The following INPP5A variants were observed in gnomAD, a reference collection of about 807,000 sequenced individuals.
INPP5A encodes the protein 43 kDa inositol polyphosphate 5-phophatase.
In INPP5A, 14 loss-of-function variants were observed where a neutral mutation model predicts 65.2. That is an observed-to-expected ratio of 0.21 (90% CI 0.14 to 0.34). The LOEUF is 0.34. INPP5A is among the 10% of genes least tolerant of loss of function. The pLI, the probability that INPP5A is intolerant of heterozygous loss-of-function variation, is 1.00. For synonymous variants in INPP5A, 207 were observed against 208.3 expected (o/e 0.99, Z 0.05); for missense variants, 431 against 545.6 (o/e 0.79, Z 2.09).
At chr10:132,673,903 T>C (rs1006137918) in intron 4 of INPP5A, among the ~76,000 whole-genome samples, 1 of 152,190 alleles carries the variant, frequency 6.6e-6, no homozygotes, top group Non-Finnish European at 1.5e-5. Flanking sequence ...TGCTGGCAAA[T>C]TGGGCACTCA....
rs949689292 is a variant in INPP5A, at chr10:132,627,718, G to A, written c.118-18150G>A. 3.3e-5 allele frequency among the ~76,000 whole-genome samples: 5 copies of A among 152,168 alleles called. No homozygotes were observed. The highest frequency in any genetic ancestry group is 1.2e-4 in the African/African-American group (5 of 41,428). The stretch of plus-strand genomic sequence containing the variant: ...GGGATTATAGTGAGAGGCGAGACAG[G>A]GGATGCAGACGGGTAGATGCCACAG... On this transcript the variant is annotated intron_variant, in intron 2 of 15. Transcript: ENST00000368594. The surrounding 1 kb of genome is among the most constrained non-coding windows in gnomAD (Gnocchi z 6.6).
At chr10:132,596,508 A>G (rs1441454881) in intron 1 of INPP5A, among the ~76,000 whole-genome samples, 1 of 151,130 alleles carries the variant, frequency 6.6e-6, no homozygotes, top group African/African-American at 2.4e-5. Context: ...GCTCACTGCA[A>G]CCTCCACCTC....
In INPP5A at chr10:132,705,062, A is replaced by C. The variant is rs1845512874; in HGVS notation, c.475-3251A>C. ...CTCGTCTGGAGTGCAGGCTGAGTGG[A>C]GGGGAGAGAGTCCAAGCATTGGGGG... On this transcript the variant is annotated intron_variant, in intron 6 of 15. Coordinates refer to ENST00000368594, the MANE Select transcript of INPP5A (RefSeq NM_005539.5). This position sits in a 1 kb window ranked among gnomAD's most constrained non-coding sequence, Gnocchi z 4.9. 6.6e-6 allele frequency among the ~76,000 whole-genome samples: 1 copy of C among 151,854 alleles called. No individual in the cohort carries two copies. The highest frequency in any genetic ancestry group is 1.5e-5 in the Non-Finnish European group (1 of 67,986).
chr10:132,596,395 C>T (rs1331971393), intron 1 of INPP5A, among the ~76,000 whole-genome samples: 3 of 151,850 alleles, frequency 2.0e-5, no homozygotes, highest in Non-Finnish European at 4.4e-5. Context: ...CAGAAGAGGA[C>T]ACCCAAGTGT....
chr10:132,749,957 C>A, intron 11 of INPP5A, 112 bp downstream of exon 11: 1 of 945,212 alleles, frequency 1.1e-6, no homozygotes, highest in South Asian at 1.3e-5. Flanking sequence ...CTGCCACCTC[C>A]AGGACTCAGT....
rs886233685 is a variant in INPP5A at position 132,549,895 on chromosome 10, G to A, written c.75+11724G>A. ...TATTAACCAGGCATTAGGGGATGGGGTCAGCCTCGAGTTACTAACCGGGCA... is the reference window on the plus strand; with the variant it reads ...TATTAACCAGGCATTAGGGGATGGGATCAGCCTCGAGTTACTAACCGGGCA... On this transcript the variant is annotated intron_variant, in intron 1 of 15. Coordinates refer to ENST00000368594, the MANE Select transcript of INPP5A (RefSeq NM_005539.5). The surrounding 1 kb of genome is among the most constrained non-coding windows in gnomAD (Gnocchi z 4.9). 6.6e-6 allele frequency among the ~76,000 whole-genome samples: 1 copy of A among 151,748 alleles called. No individual in the cohort carries two copies. Among genetic ancestry groups the A allele is most frequent in the South Asian group, 2.1e-4 (1 of 4,792 alleles).
chr10:132,777,432 A>G (rs1213879737), intron 12 of INPP5A, among the ~76,000 whole-genome samples: 1 of 152,250 alleles, frequency 6.6e-6, no homozygotes, highest in Non-Finnish European at 1.5e-5. Context: ...CAGTAAAGGA[A>G]GGACTGATGT....
At position 132,668,984 on chromosome 10, in the gene INPP5A, G is replaced by A. The variant is rs577078453; in HGVS notation, c.306+18479G>A. Among the ~76,000 whole-genome samples the A allele has an allele frequency of 2.4e-4, 36 of 152,164 alleles. No individual in the cohort carries two copies. In the South Asian group the frequency reaches 7.3e-3, roughly 31 times the overall value. On this transcript the variant is annotated intron_variant, in intron 4 of 15. Coordinates refer to ENST00000368594, the MANE Select transcript of INPP5A (RefSeq NM_005539.5). ...GAAACAGCCGGTGAGGCCGGGCATG[G>A]TGGCTCACTCCTGTAATCCCAGCAT...
intron 12 of INPP5A, among the ~76,000 whole-genome samples, chr10:132,776,911 G>T (rs1197374669): frequency 6.6e-6 from 1 of 152,198 alleles, no homozygotes; most frequent in East Asian, 1.9e-4. Flanking sequence ...GAGGGCGGGG[G>T]CCAATGGCTC....
intron 11 of INPP5A, among the ~76,000 whole-genome samples, chr10:132,756,213 G>A (rs1191353138): frequency 1.3e-5 from 2 of 152,104 alleles, no homozygotes; most frequent in African/African-American, 4.8e-5. Context: ...GTGTACATGT[G>A]TGCACTTTGT....
chr10:132,606,241 G>A (rs1590862767), intron 1 of INPP5A, among the ~76,000 whole-genome samples: 2 of 151,880 alleles, frequency 1.3e-5, no homozygotes, highest in South Asian at 4.2e-4. Context: ...CCTCAGTGGC[G>A]GGACAGCGGC....
chr10:132,700,717 G>C (rs1845423204), intron 6 of INPP5A, among the ~76,000 whole-genome samples: 1 of 152,240 alleles, frequency 6.6e-6, no homozygotes, highest in South Asian at 2.1e-4. Context: ...GAAGGAACTA[G>C]TTTCAGACTG....
At position 132,555,386 on chromosome 10, in the gene INPP5A, A is replaced by C. The variant is rs1327690274; in HGVS notation, c.75+17215A>C. 6.6e-6 allele frequency among the ~76,000 whole-genome samples: 1 copy of C among 151,950 alleles called. No individual in the cohort carries two copies. The highest frequency in any genetic ancestry group is 2.4e-5 in the African/African-American group (1 of 41,348). The stretch of plus-strand genomic sequence containing the variant: ...TGGCCCAGTGGAGCTGCTGGGGCCT[A>C]TCTGTTTTTTTGAACTTCTGATAAG... On this transcript the variant is annotated intron_variant, in intron 1 of 15. Coordinates refer to ENST00000368594, the MANE Select transcript of INPP5A (RefSeq NM_005539.5). The surrounding 1 kb of genome is among the most constrained non-coding windows in gnomAD (Gnocchi z 4.4).
At chr10:132,625,403 T>A (rs1268871200) in intron 2 of INPP5A, among the ~76,000 whole-genome samples, 1 of 152,128 alleles carries the variant, frequency 6.6e-6, no homozygotes, top group Admixed American at 6.5e-5. Flanking sequence ...AGGCAGTCAA[T>A]AAATATTCAT....
chr10:132,750,643 G>A (rs1222150172), intron 11 of INPP5A, among the ~76,000 whole-genome samples: 1 of 152,248 alleles, frequency 6.6e-6, no homozygotes, highest in Non-Finnish European at 1.5e-5. Flanking sequence ...CGCAGCAGCT[G>A]GCTGGGCCCC....
intron 1 of INPP5A, among the ~76,000 whole-genome samples, chr10:132,604,289 C>G (rs1257062853): frequency 6.7e-6 from 1 of 150,048 alleles, no homozygotes; most frequent in Non-Finnish European, 1.5e-5. Flanking sequence ...CCTCTCCATC[C>G]TGCCCTGTGC....
intron 3 of INPP5A, among the ~76,000 whole-genome samples, chr10:132,648,384 T>C (rs969221595): frequency 5.9e-5 from 9 of 152,274 alleles, no homozygotes; most frequent in African/African-American, 1.2e-4. Flanking sequence ...TACAGCGTTA[T>C]GATTTTTGCT....
chr10:132,568,468 G>A (rs1046939695), intron 1 of INPP5A, among the ~76,000 whole-genome samples: 1 of 152,112 alleles, frequency 6.6e-6, no homozygotes, highest in Non-Finnish European at 1.5e-5. Flanking sequence ...GCTCACGCCT[G>A]TAATCCCAGC....
chr10:132,685,249 C>T (rs1446490192), intron 4 of INPP5A, among the ~76,000 whole-genome samples: 3 of 152,362 alleles, frequency 2.0e-5, no homozygotes, highest in African/African-American at 7.2e-5. Context: ...CACTTTTTCC[C>T]TTCCCAGTGG....
Sources: allele counts gnomAD v4.1 joint callset (sites outside exome capture counted in the v4.1 genomes callset), GRCh38; gene constraint gnomAD v4.1.1; non-coding constraint Gnocchi (gnomAD v3.1); transcripts MANE v1.5; gene names NCBI Gene and HGNC (gene_info 2026-07-23, HGNC 2026-07-21).